Variants in SETD1B observed in about 807,000 individuals in gnomAD.
The protein encoded by SETD1B is histone-lysine N-methyltransferase SETD1B.
SETD1B carries 7 observed loss-of-function variants against 148.0 expected under a neutral mutation model. The ratio of observed to expected loss-of-function variants is 0.05; its 90% confidence interval spans 0.03 to 0.09. SETD1B has a LOEUF of 0.09. Ranked by LOEUF, SETD1B falls within the 10% of genes least tolerant of loss-of-function variation. SETD1B has a pLI of 1.00. For synonymous variants in SETD1B, 1,361 were observed against 1,186.5 expected (o/e 1.15, Z -3.02); for missense variants, 2,155 against 2,729.9 (o/e 0.79, Z 4.69).
intron 13 of SETD1B, among the ~76,000 whole-genome samples, chr12:121,825,785 C>T (rs999576621): frequency 3.3e-5 from 5 of 152,058 alleles, no homozygotes; most frequent in African/African-American, 4.8e-5. Flanking sequence ...GCTGGGATTA[C>T]AGGTGCCCAC....
chr12:121,809,884 C>T lies in SETD1B; in HGVS notation c.939C>T (p.His313=), dbSNP rs925796458. ...CAGTGACCTTCAAGGCCCGGCGCCACGAGAGCAAGTTCACGGACGCCTACA... is the reference window on the plus strand; with the variant it reads ...CAGTGACCTTCAAGGCCCGGCGCCATGAGAGCAAGTTCACGGACGCCTACA... The part of the protein sequence containing the change: ...DPAVTFKARR[H]ESKFTDAYNR... The change falls in exon 6 of 17, where the codon CAC becomes CAT. Residue 313 remains histidine (H), a synonymous_variant. Coordinates refer to ENST00000604567, the MANE Select transcript of SETD1B (RefSeq NM_001353345.2). The T allele has an allele frequency of 1.6e-5, 25 of 1,551,026 alleles. No homozygotes were observed. Among genetic ancestry groups the T allele is most frequent in the Admixed American group, 9.8e-5 (5 of 50,980 alleles).
Position 121,808,335 on chromosome 12 carries a change from G to A in SETD1B, c.657+15G>A, listed in dbSNP as rs375879295. 5.5e-5 allele frequency: 84 copies of A among 1,530,258 alleles called. No homozygotes were observed. The highest frequency in any genetic ancestry group is 6.4e-5 in the Non-Finnish European group (72 of 1,128,608). 94.8% of individuals were successfully genotyped at this position (1,530,258 alleles called of 1,614,324 possible). On this transcript the variant is annotated intron_variant, in intron 5 of 16. Coordinates refer to ENST00000604567, the MANE Select transcript of SETD1B (RefSeq NM_001353345.2). The surrounding 1 kb of genome is among the most constrained non-coding windows in gnomAD (Gnocchi z 5.3). ...AGACCCTGCAGGTGGGTTTATGGCC[G>A]TCAGTCTGCCCCATCGCCAGCTCTT... is the stretch of plus-strand genomic sequence containing the variant.
chr12:121,797,550 G>A, the SETD1B span: 12 of 456,580 alleles, frequency 2.6e-5, no homozygotes, highest in East Asian at 4.2e-4. Context: ...ACACCGTGCC[G>A]AGAACCACAT....
rs1303200014 is a variant in SETD1B, at chr12:121,823,493, C to T, written c.4914C>T (p.Ser1638=). Residue 1638 remains serine (S), a synonymous_variant, in exon 12 of 17, where the codon AGC becomes AGT. Coordinates refer to ENST00000604567, the MANE Select transcript of SETD1B (RefSeq NM_001353345.2). ...VTEEYMELAK[S]RGPWRRPPKK... Reference sequence around the variant, plus strand: ...AGGAATACATGGAGTTGGCCAAGAGCCGGGGGCCGTGGCGCCGGCCACCTA... The same window carrying T: ...AGGAATACATGGAGTTGGCCAAGAGTCGGGGGCCGTGGCGCCGGCCACCTA... 1 of 1,550,616 alleles carries T rather than the reference C, an allele frequency of 6.4e-7. No individual in the cohort carries two copies. The highest frequency in any genetic ancestry group is 2.4e-5 in the East Asian group (1 of 40,902).
At position 121,810,376 on chromosome 12, in the gene SETD1B, T is replaced by G; in HGVS notation, c.1431T>G (p.Cys477Trp). 1 of 1,548,118 alleles carries G rather than the reference T, an allele frequency of 6.5e-7. No individual in the cohort carries two copies. Reference protein sequence around the residue: ...RPTFGWSPEPCDSPGTPTLES... With the variant: ...RPTFGWSPEPWDSPGTPTLES... ...CCTTCGGCTGGAGTCCTGAGCCCTG[T>G]GACAGCCCTGGCACGCCCACGCTGG... The change falls in exon 6 of 17, where the codon TGT (cysteine) becomes TGG (tryptophan). Residue 477 changes from cysteine to tryptophan, a missense_variant. This residue lies in a region of SETD1B where 376 missense variants were observed against 385.0 expected (regional missense o/e 0.98). Coordinates refer to ENST00000604567, the MANE Select transcript of SETD1B (RefSeq NM_001353345.2). This position sits in a 1 kb window ranked among gnomAD's most constrained non-coding sequence, Gnocchi z 7.6.
At chr12:121,799,003 C>G in the SETD1B span, among the ~76,000 whole-genome samples, 14 of 152,222 alleles carry the variant, frequency 9.2e-5, no homozygotes, top group Admixed American at 7.2e-4. Flanking sequence ...TGTTCCCAGA[C>G]CACAGCATCA....
the SETD1B span, chr12:121,793,175 G>A: frequency 7.7e-6 from 12 of 1,550,512 alleles, no homozygotes; most frequent in South Asian, 1.4e-4. Flanking sequence ...GAGGTTCAGG[G>A]TCACCTCCTT....
chr12:121,819,972 C>T, intron 11 of SETD1B, 77 bp downstream of exon 11: 1 of 1,280,338 alleles, frequency 7.8e-7, no homozygotes, highest in Non-Finnish European at 1.1e-6. Flanking sequence ...CCCGGGCTTC[C>T]TGGGGTAGAT....
At position 121,817,425 on chromosome 12, in the gene SETD1B, G is replaced by A; in HGVS notation, c.3033G>A (p.Lys1011=). Residue 1011 remains lysine, a synonymous_variant, in exon 9 of 17, where the codon AAG becomes AAA. Transcript: ENST00000604567. This position sits in a 1 kb window ranked among gnomAD's most constrained non-coding sequence, Gnocchi z 8.1. ...DMADTPCELA[K]RDPKGVGVRR... Reference sequence around the variant, plus strand: ...CAGACACCCCCTGTGAGCTCGCCAAGCGGGACCCCAAGGGCGTGGGTGTGC... The same window carrying A: ...CAGACACCCCCTGTGAGCTCGCCAAACGGGACCCCAAGGGCGTGGGTGTGC... The A allele has an allele frequency of 6.5e-7, 1 of 1,540,410 alleles. No homozygotes were observed. The highest frequency in any genetic ancestry group is 8.8e-7 in the Non-Finnish European group (1 of 1,139,036).
chr12:121,801,795 G>A (rs1470701921), upstream of SETD1B: 1 of 152,182 alleles, frequency 6.6e-6, no homozygotes, highest in Non-Finnish European at 1.5e-5. Flanking sequence ...CTTCGCTGAG[G>A]ACTGTTTACT....
chr12:121,798,607 C>T, the SETD1B span, among the ~76,000 whole-genome samples: 2 of 152,214 alleles, frequency 1.3e-5, no homozygotes. Flanking sequence ...TAGCCCATGG[C>T]GAACTATCTC....
intron 16 of SETD1B, 84 bp from the exon 17 acceptor site, chr12:121,829,982 A>T: frequency 7.6e-7 from 1 of 1,313,462 alleles, no homozygotes; most frequent in Non-Finnish European, 1.0e-6. Context: ...CCTTAAGCAC[A>T]GGCCTGGTTG....
Position 121,830,170 on chromosome 12 carries a change from G to A in SETD1B, c.5832G>A (p.Lys1944=). The A allele has an allele frequency of 1.3e-6, 2 of 1,551,550 alleles. No individual in the cohort carries two copies. The highest frequency in any genetic ancestry group is 1.7e-6 in the Non-Finnish European group (2 of 1,146,882). Reference sequence around the variant, plus strand: ...ATGAGGAGATTACCTATGACTATAAGTTCCCCATCGAGGACGTCAAGATCC... The same window carrying A: ...ATGAGGAGATTACCTATGACTATAAATTCCCCATCGAGGACGTCAAGATCC... ...NVNEEITYDY[K]FPIEDVKIPC... is the part of the protein sequence containing the mutation. Residue 1944 remains lysine, a synonymous_variant, in exon 17 of 17, where the codon AAG becomes AAA. Coordinates refer to ENST00000604567, the MANE Select transcript of SETD1B (RefSeq NM_001353345.2). This position sits in a 1 kb window ranked among gnomAD's most constrained non-coding sequence, Gnocchi z 5.7.
In SETD1B at chr12:121,810,880, C is replaced by T; in HGVS notation, c.1890+45C>T. The T allele has an allele frequency of 6.9e-7, 1 of 1,449,680 alleles. No individual in the cohort carries two copies. Among genetic ancestry groups the T allele is most frequent in the Non-Finnish European group, 9.1e-7 (1 of 1,095,698 alleles). 89.8% of individuals were successfully genotyped at this position (1,449,680 alleles called of 1,614,324 possible). On this transcript the variant is annotated intron_variant, in intron 6 of 16. Transcript: ENST00000604567. The surrounding 1 kb of genome is among the most constrained non-coding windows in gnomAD (Gnocchi z 7.6). ...TCTGTCTGGGACTGGTTTTGTCTAT[C>T]TTGTATCTCCCTTTCCCCCTTCAAG...
rs1203305535 is a variant in SETD1B, at chr12:121,832,485, T to C, written c.*2246T>C. On this transcript the variant is annotated 3_prime_UTR_variant, in exon 17 of 17. Transcript: ENST00000604567. Reference sequence around the variant, plus strand: ...GAGAACCAATGAGTTTTAGGGATGTTTGTGCGGGTAGACTCCATCATCCAT... The same window carrying C: ...GAGAACCAATGAGTTTTAGGGATGTCTGTGCGGGTAGACTCCATCATCCAT... 1 of 155,770 alleles carries C rather than the reference T, an allele frequency of 6.4e-6. No individual in the cohort carries two copies. Among genetic ancestry groups the C allele is most frequent in the Non-Finnish European group, 1.4e-5 (1 of 70,138 alleles). The allele number at this position is 155,770 out of a possible 1,614,324, so 9.6% of individuals were successfully genotyped here. A position where few individuals can be genotyped will look rare whatever the true frequency, so the allele number is the denominator to read the frequency against.
At chr12:121,800,694 G>A (rs1412161465), upstream of SETD1B, 2 of 148,790 alleles carry the variant, frequency 1.3e-5, no homozygotes, top group African/African-American at 2.4e-5. Flanking sequence ...CCCAGCCACG[G>A]GCAGCGCGCG....
At chr12:121,818,085 T>A (rs1378796108) in intron 10 of SETD1B, among the ~76,000 whole-genome samples, 181 bp downstream of exon 10, 1 of 152,162 alleles carries the variant, frequency 6.6e-6, no homozygotes, top group Non-Finnish European at 1.5e-5. Flanking sequence ...GTGAACATAA[T>A]GGCATGTCCA....
At chr12:121,790,295 C>G in the SETD1B span, among the ~76,000 whole-genome samples, 1 of 152,264 alleles carries the variant, frequency 6.6e-6, no homozygotes, top group Non-Finnish European at 1.5e-5. Flanking sequence ...CGGGAAGATG[C>G]CCCTTCCGCC....
At chr12:121,815,564 T>C (rs1876253627) in intron 7 of SETD1B, among the ~76,000 whole-genome samples, 1 of 152,092 alleles carries the variant, frequency 6.6e-6, no homozygotes, top group South Asian at 2.1e-4. Flanking sequence ...GGCTGGAGTG[T>C]AGTGGCGCAA....
Sources: gnomAD v4.1 joint callset for allele counts (sites outside exome capture counted in the v4.1 genomes callset) on GRCh38, gnomAD v4.1.1 for gene constraint, gnomAD v4.1.1 regional missense constraint, Gnocchi (gnomAD v3.1) non-coding constraint, MANE v1.5 for transcripts, NCBI Gene and HGNC (gene_info 2026-07-23, HGNC 2026-07-21) for gene names.